Variants in SENP1 observed in about 807,000 individuals in gnomAD.
SENP1 encodes SUMO specific peptidase 1, also known as sentrin-specific protease 1.
A neutral mutation model predicts 93.0 loss-of-function variants in SENP1; 21 were observed. That is an observed-to-expected ratio of 0.23 (90% CI 0.16 to 0.33). The LOEUF (loss-of-function observed/expected upper bound fraction) is 0.33. Ranked by LOEUF, SENP1 falls within the 10% of genes least tolerant of loss-of-function variation. SENP1 has a pLI of 1.00. For synonymous variants in SENP1, 256 were observed against 259.6 expected, an observed-to-expected ratio of 0.99 and a Z score of 0.13; for missense variants, 591 against 758.7, an observed-to-expected ratio of 0.78 and a Z score of 2.60.
intron 13 of SENP1, among the ~76,000 whole-genome samples, chr12:48,049,991 T>A (rs2136773234): frequency 6.6e-6 from 1 of 152,316 alleles, no homozygotes; most frequent in East Asian, 1.9e-4. Context: ...TGATTCTTTG[T>A]TAATGAAACG....
chr12:48,049,088 C>G lies in SENP1; in HGVS notation c.1452G>C (p.Glu484Asp). Residue 484 changes from glutamate to aspartate, a missense_variant, in exon 14 of 18, where the codon GAG becomes GAC. Physicochemically the swap from Glu to Asp is conservative, Grantham distance 45 (BLOSUM62 2). Coordinates refer to ENST00000549518, the MANE Select transcript of SENP1 (RefSeq NM_001267594.2). ...ATGCATGCACACTTGGCAAGCCCTTCTCTTTACTTCGCTCCATCAGCATAT... is the reference window on the plus strand; with the variant it reads ...ATGCATGCACACTTGGCAAGCCCTTGTCTTTACTTCGCTCCATCAGCATAT... ...YMNMLMERSKEKGLPSVHAFN... is the reference protein window; with the variant it reads ...YMNMLMERSKDKGLPSVHAFN... The G allele has an allele frequency of 6.2e-7, 1 of 1,613,588 alleles. No individual in the cohort carries two copies. Among genetic ancestry groups the G allele is most frequent in the Non-Finnish European group, 8.5e-7 (1 of 1,179,604 alleles).
At chr12:48,082,220 A>G (rs1298391909) in intron 6 of SENP1, among the ~76,000 whole-genome samples, 2 of 152,336 alleles carry the variant, frequency 1.3e-5, no homozygotes, top group South Asian at 2.1e-4. Flanking sequence ...AAATATGCAC[A>G]GCATTTTTAG....
At chr12:48,102,810 CAAAAA>C (rs1221712691) in intron 1 of SENP1, among the ~76,000 whole-genome samples, 2 of 83,164 alleles carry the variant, frequency 2.4e-5, no homozygotes, top group African/African-American at 4.0e-5. Context: ...GACTCCGTCT[CAAAAA>C]AAAAAAAAAA....
chr12:48,048,045 G>A lies in SENP1; in HGVS notation c.1647C>T (p.Tyr549=), dbSNP rs35097848. Residue 549 remains tyrosine (Y), a synonymous_variant, in exon 15 of 18, where the codon TAC becomes TAT. Coordinates refer to ENST00000549518, the MANE Select transcript of SENP1 (RefSeq NM_001267594.2). ...CATTGTTTATCCCACCCATGGAGTC[G>A]TAATAGGTAATATTCTTCTTTCTAA... is the stretch of plus-strand genomic sequence containing the variant. ...VDFRKKNITY[Y]DSMGGINNEA... The A allele has an allele frequency of 3.9e-4, 634 of 1,606,724 alleles. 8 individuals carry two copies. In the African/African-American group the frequency reaches 7.4e-3, roughly 19 times the overall value.
chr12:48,058,245 CCATTT>C (rs1463308413), intron 13 of SENP1, among the ~76,000 whole-genome samples: 2 of 152,044 alleles, frequency 1.3e-5, no homozygotes, highest in African/African-American at 2.4e-5. Context: ...TGCACTCGGC[CCATTT>C]TACTTTTTTA....
intron 13 of SENP1, among the ~76,000 whole-genome samples, chr12:48,055,948 TA>T (rs1942234503): frequency 1.5e-5 from 2 of 135,912 alleles, no homozygotes; most frequent in Admixed American, 1.5e-4. Context: ...CATATATTAA[TA>T]ATATATGTAA....
chr12:48,074,648 T>C, intron 7 of SENP1, 41 bp from the exon 8 acceptor site: 1 of 1,607,562 alleles, frequency 6.2e-7, no homozygotes, highest in Non-Finnish European at 8.5e-7. Flanking sequence ...AAGTAATAAA[T>C]TGTAGAATTA....
chr12:48,082,206 C>T (rs879570666), intron 6 of SENP1, among the ~76,000 whole-genome samples: 2 of 152,068 alleles, frequency 1.3e-5, no homozygotes, highest in African/African-American at 4.8e-5. Flanking sequence ...AAACTTTAAA[C>T]CAAAAATATG....
At chr12:48,063,181 C>T (rs1317043199) in intron 13 of SENP1, among the ~76,000 whole-genome samples, 1 of 152,054 alleles carries the variant, frequency 6.6e-6, no homozygotes, top group African/African-American at 2.4e-5. Flanking sequence ...TCCCCCAATA[C>T]CTCAAATATT....
intron 6 of SENP1, among the ~76,000 whole-genome samples, chr12:48,077,013 C>T (rs1399387743): frequency 6.6e-6 from 1 of 152,180 alleles, no homozygotes; most frequent in Admixed American, 6.5e-5. Flanking sequence ...GTCCACTATT[C>T]CCATCTTTAT....
At chr12:48,094,837 T>C (rs1945447244) in intron 4 of SENP1, among the ~76,000 whole-genome samples, 1 of 152,208 alleles carries the variant, frequency 6.6e-6, no homozygotes, top group Non-Finnish European at 1.5e-5. Context: ...TAAATTGGCA[T>C]ATGAAATTAT....
At chr12:48,098,271 A>G (rs1414986427) in intron 2 of SENP1, 147 bp from the exon 3 acceptor site, 3 of 766,230 alleles carry the variant, frequency 3.9e-6, no homozygotes, top group Non-Finnish European at 5.9e-6. Flanking sequence ...AGGCTGAGGC[A>G]GGAGGATTTT....
chr12:48,078,713 C>A (rs1944313235), intron 6 of SENP1, among the ~76,000 whole-genome samples: 1 of 152,086 alleles, frequency 6.6e-6, no homozygotes, highest in Non-Finnish European at 1.5e-5. Context: ...CTTCCTTTCC[C>A]AAAAGAACAC....
chr12:48,075,410 GA>G (rs1565777533), intron 6 of SENP1, among the ~76,000 whole-genome samples: 2 of 151,956 alleles, frequency 1.3e-5, no homozygotes, highest in African/African-American at 4.8e-5. Context: ...AAGAGTCCCA[GA>G]AAAAAAGGGC....
intron 13 of SENP1, among the ~76,000 whole-genome samples, chr12:48,052,129 GA>G (rs1941863061): frequency 6.6e-6 from 1 of 152,120 alleles, no homozygotes; most frequent in Admixed American, 6.5e-5. Context: ...GGCTGAAGCT[GA>G]AAAAAGCTTT....
chr12:48,062,832 G>A (rs1943048156), intron 13 of SENP1, among the ~76,000 whole-genome samples: 1 of 152,266 alleles, frequency 6.6e-6, no homozygotes, highest in Non-Finnish European at 1.5e-5. Context: ...TACTAATGAG[G>A]TAAATGATCA....
chr12:48,092,379 GGAA>G (rs1161657236), intron 4 of SENP1, among the ~76,000 whole-genome samples: 1 of 152,160 alleles, frequency 6.6e-6, no homozygotes, highest in Non-Finnish European at 1.5e-5. Flanking sequence ...TGTGGAAAGA[GGAA>G]GAAGTTTTTT....
In SENP1 at chr12:48,085,103, G is replaced by T. The variant is rs1944761198; in HGVS notation, c.381-1341C>A. 2.9e-6 allele frequency: 4 copies of T among 1,382,622 alleles called. No individual in the cohort carries two copies. The Admixed American group carries it at 5.2e-5, about 18-fold the overall frequency. 85.6% of individuals were successfully genotyped at this position (1,382,622 alleles called of 1,614,324 possible). On this transcript the variant is annotated intron_variant, in intron 5 of 17. Transcript: ENST00000549518. ...AGCTCATCGCAGTGATCAGAGACAA[G>T]GACACGGTGACTGGTTTCCTGCTGG...
In SENP1 at chr12:48,098,111, A is replaced by T; in HGVS notation, c.18T>A (p.Asp6Glu). Residue 6 changes from aspartate (D) to glutamate (E), a missense_variant, in exon 3 of 18, where the codon GAT (aspartate) becomes GAA (glutamate). This residue lies in a region of SENP1 where 214 missense variants were observed against 243.4 expected (regional missense o/e 0.88). Transcript: ENST00000549518. ...CTTCTCCAGCATCCATCCTCATCCT[A>T]TCAGCAATATCATCTGGGGAGACAG... MDDIA[D>E]RMRMDAGEVT... is the part of the protein sequence containing the mutation. 2 of 1,613,428 alleles carry T rather than the reference A, an allele frequency of 1.2e-6. No homozygotes were observed. Among genetic ancestry groups the T allele is most frequent in the Non-Finnish European group, 1.7e-6 (2 of 1,179,576 alleles).
Sources: gnomAD v4.1 joint callset for allele counts (sites outside exome capture counted in the v4.1 genomes callset) on GRCh38, gnomAD v4.1.1 for gene constraint, gnomAD v4.1.1 regional missense constraint, MANE v1.5 for transcripts, NCBI Gene and HGNC (gene_info 2026-07-23, HGNC 2026-07-21) for gene names.